TGIF1: variants seen among roughly 807,000 people sequenced by gnomAD.
TGIF1 encodes the protein homeobox protein TGIF1.
A neutral mutation model predicts 19.3 loss-of-function variants in TGIF1; 4 were observed. The ratio of observed to expected loss-of-function variants is 0.21; its 90% CI spans 0.10 to 0.47. The LOEUF (loss-of-function observed/expected upper bound fraction) is 0.47. Among genes scored for constraint, TGIF1 ranks in the 20% least tolerant of loss-of-function variants. The probability of loss-of-function intolerance (pLI) is 0.98; values close to 1 mark genes in which losing one functional copy is unlikely to be tolerated. For missense variants in TGIF1, 275 were observed against 341.4 expected (o/e 0.81, Z 1.53); for synonymous variants, 122 against 129.3 (o/e 0.94, Z 0.38).
upstream of TGIF1, among the ~76,000 whole-genome samples, chr18:3,445,750 A>AG (rs1227911831): frequency 4.7e-5 from 6 of 126,662 alleles, no homozygotes; most frequent in African/African-American, 1.8e-4. Context: ...AAAAAAAAAA[A>AG]AAAGAGAAGA....
Position 3,456,302 on chromosome 18 carries a change from A to G in TGIF1, c.17-52A>G. ...TGGTCAGCGTTAAGTGAGCTTTGCA[A>G]TAGTTGCTGTGCTTATAAAGCAACT... On this transcript the variant is annotated intron_variant, in intron 1 of 2. Transcript: ENST00000343820. This position sits in a 1 kb window ranked among gnomAD's most constrained non-coding sequence, Gnocchi z 4.2. 1.3e-6 allele frequency: 2 copies of G among 1,523,744 alleles called. No homozygotes were observed. Among genetic ancestry groups the G allele is most frequent in the Non-Finnish European group, 1.8e-6 (2 of 1,098,340 alleles). The allele number at this position is 1,523,744 out of a possible 1,614,324, so 94.4% of individuals were successfully genotyped here. A position where few individuals can be genotyped will look rare whatever the true frequency, so the allele number is the denominator to read the frequency against.
intron 2 of TGIF1, among the ~76,000 whole-genome samples, chr18:3,422,725 C>T (rs1258867824): frequency 8.3e-6 from 1 of 120,264 alleles, no homozygotes; most frequent in Non-Finnish European, 1.6e-5. Flanking sequence ...GAGTCTGGCT[C>T]TGTCGCCCAG....
In TGIF1 at chr18:3,451,230, A is replaced by G. The variant is rs554028321; in HGVS notation, c.16+725A>G. On this transcript the variant is annotated intron_variant, in intron 1 of 2. Coordinates refer to ENST00000343820, the MANE Select transcript of TGIF1 (RefSeq NM_003244.4). This position sits in a 1 kb window ranked among gnomAD's most constrained non-coding sequence, Gnocchi z 5.4. ...CAGTCAAAATGCGTCCAAATGTGAC[A>G]AGCAGGCTTGGTTGTAAGTGCAAAG... Among the ~76,000 whole-genome samples, 1 of 152,310 alleles carries G rather than the reference A, an allele frequency of 6.6e-6. No homozygotes were observed. Among genetic ancestry groups the G allele is most frequent in the South Asian group, 2.1e-4 (1 of 4,828 alleles).
Position 3,422,121 on chromosome 18 carries a change from GA to G in TGIF1, c.-45+3907del, listed in dbSNP as rs574144986. 4.0e-3 allele frequency among the ~76,000 whole-genome samples: 596 copies of G among 149,192 alleles called. 4 individuals are homozygous for G. Among genetic ancestry groups the G allele is most frequent in the African/African-American group, 0.014 (566 of 39,494 alleles). ...AGGCAGGAGAATCGCTTGAACCTGGGAGGCGGAGATTGCAGTGAGCAGAGAT... is the reference window on the plus strand; with the variant it reads ...AGGCAGGAGAATCGCTTGAACCTGGGGGCGGAGATTGCAGTGAGCAGAGAT... On this transcript the variant is annotated intron_variant, in intron 2 of 3. Coordinates refer to the TGIF1 transcript ENST00000401449.
chr18:3,428,570 C>T (rs997099281), intron 2 of TGIF1, among the ~76,000 whole-genome samples: 1 of 151,718 alleles, frequency 6.6e-6, no homozygotes, highest in African/African-American at 2.4e-5. Flanking sequence ...ACCCCATCTC[C>T]ACTAAAATAC....
chr18:3,421,663 C>T (rs1420214394), intron 2 of TGIF1, among the ~76,000 whole-genome samples: 4 of 151,876 alleles, frequency 2.6e-5, no homozygotes, highest in South Asian at 2.1e-4. Context: ...CCACCCATCT[C>T]GGCCGCCTAA....
At chr18:3,424,686 G>A (rs1598860327) in intron 2 of TGIF1, among the ~76,000 whole-genome samples, 1 of 152,144 alleles carries the variant, frequency 6.6e-6, no homozygotes, top group African/African-American at 2.4e-5. Flanking sequence ...GGGGAGGAGA[G>A]AGTAGCTGAA....
At chr18:3,444,286 C>CTTTTTTTTTTT (rs57205118) in intron 2 of TGIF1, among the ~76,000 whole-genome samples, 3 of 122,166 alleles carry the variant, frequency 2.5e-5, no homozygotes, top group South Asian at 2.4e-4. Flanking sequence ...ACTTTCTTTT[C>CTTTTTTTTTTT]TTTTTTTTTT....
intron 2 of TGIF1, among the ~76,000 whole-genome samples, chr18:3,434,130 C>T (rs770703108): frequency 6.6e-6 from 1 of 152,190 alleles, no homozygotes; most frequent in Non-Finnish European, 1.5e-5. Context: ...TGGCTCATGC[C>T]TATAATCTCA....
rs1032232953 is a variant in TGIF1, at chr18:3,458,042, A to T, written c.*102A>T. 2.1e-5 allele frequency: 23 copies of T among 1,084,062 alleles called. No homozygotes were observed. Among genetic ancestry groups the T allele is most frequent in the Non-Finnish European group, 3.0e-5 (22 of 745,278 alleles). The allele number at this position is 1,084,062 out of a possible 1,614,324, so 67.2% of individuals were successfully genotyped here. On this transcript the variant is annotated 3_prime_UTR_variant, in exon 3 of 3. Transcript: ENST00000343820. ...ATATATTTTTTATTAATATTTGCAC[A>T]TGGGATTGCTAAAACAGCTTCCTGT...
At chr18:3,450,602 G>A in intron 1 of TGIF1, 97 bp downstream of exon 1, 2 of 1,545,580 alleles carry the variant, frequency 1.3e-6, no homozygotes, top group Non-Finnish European at 1.7e-6. Context: ...GGACTTTTCC[G>A]CCCAGGGGCT....
At chr18:3,430,983 A>C (rs1165047702) in intron 2 of TGIF1, among the ~76,000 whole-genome samples, 1 of 152,136 alleles carries the variant, frequency 6.6e-6, no homozygotes, top group Non-Finnish European at 1.5e-5. Context: ...ATCTGAAATG[A>C]CCGATTCCAG....
At chr18:3,455,076 G>A (rs1294240907) in intron 1 of TGIF1, 3 of 151,838 alleles carry the variant, frequency 2.0e-5, no homozygotes, top group African/African-American at 7.3e-5. Flanking sequence ...AGCATACAAA[G>A]CTAAAAATGC....
chr18:3,427,150 G>T (rs1254712453), intron 2 of TGIF1, among the ~76,000 whole-genome samples: 1 of 151,826 alleles, frequency 6.6e-6, no homozygotes, highest in Non-Finnish European at 1.5e-5. Flanking sequence ...CACCATGTTG[G>T]CCAGGCTAGC....
At position 3,450,293 on chromosome 18, in the gene TGIF1, G is replaced by A; in HGVS notation, c.-197G>A. ...TGCCAGAAGATCCCGGCGGGAGGAA[G>A]CCCAAGTGTCACTTGAATTCCACCC... On this transcript the variant is annotated 5_prime_UTR_variant, in exon 1 of 3. Coordinates refer to ENST00000343820, the MANE Select transcript of TGIF1 (RefSeq NM_003244.4). 1.4e-6 allele frequency: 2 copies of A among 1,442,774 alleles called. No individual in the cohort carries two copies. The highest frequency in any genetic ancestry group is 1.8e-6 in the Non-Finnish European group (2 of 1,099,766). The allele number at this position is 1,442,774 out of a possible 1,614,324, so 89.4% of individuals were successfully genotyped here.
upstream of TGIF1, chr18:3,447,765 C>G (rs768781633): frequency 6.2e-7 from 1 of 1,614,192 alleles, no homozygotes; most frequent in Non-Finnish European, 8.5e-7. Flanking sequence ...AAAAGTTGTG[C>G]ATTGGCCCGA....
intron 2 of TGIF1, among the ~76,000 whole-genome samples, chr18:3,427,464 G>GT (rs2082487271): frequency 6.8e-6 from 1 of 147,658 alleles, no homozygotes; most frequent in Non-Finnish European, 1.5e-5. Flanking sequence ...GCTAATTTTT[G>GT]TATTTTTAGT....
At chr18:3,450,067 GA>G, upstream of TGIF1, 1 of 1,018,118 alleles carries the variant, frequency 9.8e-7, no homozygotes, top group South Asian at 4.0e-5. Flanking sequence ...TTCCCGGCTG[GA>G]AGGTGCGGGG....
chr18:3,423,481 C>T (rs1054413315), intron 2 of TGIF1, among the ~76,000 whole-genome samples: 9 of 152,112 alleles, frequency 5.9e-5, no homozygotes, highest in Non-Finnish European at 1.2e-4. Context: ...ACATCGAGAC[C>T]TTCCTGGCTA....
Sources: gnomAD v4.1 joint callset for allele counts (sites outside exome capture counted in the v4.1 genomes callset) on GRCh38, gnomAD v4.1.1 for gene constraint, Gnocchi (gnomAD v3.1) non-coding constraint, MANE v1.5 for transcripts, NCBI Gene and HGNC (gene_info 2026-07-23, HGNC 2026-07-21) for gene names.